The following SNX27 variants were observed in gnomAD, a reference collection of about 807,000 sequenced individuals.
The protein encoded by SNX27 is sorting nexin 27, also known as sorting nexin-27.
In SNX27, 22 loss-of-function variants were observed where a neutral mutation model predicts 71.6. The ratio of observed to expected loss-of-function variants is 0.31; its 90% confidence interval spans 0.22 to 0.44. The LOEUF is 0.44. Among genes scored for constraint, SNX27 ranks in the 20% least tolerant of loss-of-function variants. The pLI is 1.00. For missense variants in SNX27, 531 were observed against 698.6 expected (o/e 0.76, Z 2.70); for synonymous variants, 269 against 277.2 (o/e 0.97, Z 0.29).
chr1:151,693,928 A>G (rs1035003955), intron 11 of SNX27: 2 of 1,343,014 alleles, frequency 1.5e-6, no homozygotes, highest in African/African-American at 1.5e-5. Flanking sequence ...TGCTGTCTGT[A>G]TGTGCCAGTG....
intron 2 of SNX27, among the ~76,000 whole-genome samples, chr1:151,639,730 A>G (rs887431799): frequency 1.3e-5 from 2 of 152,198 alleles, no homozygotes; most frequent in Non-Finnish European, 2.9e-5. Context: ...AGGAAAGCCC[A>G]TCTTGAATTT....
At chr1:151,660,892 T>C (rs1325797629) in intron 4 of SNX27, 30 bp downstream of exon 4, 2 of 1,546,026 alleles carry the variant, frequency 1.3e-6, no homozygotes, top group Non-Finnish European at 1.8e-6. Flanking sequence ...AGTGATTATT[T>C]TCCTTTTGGC....
In SNX27 at chr1:151,697,896, CA is replaced by C. The variant is rs765603550; in HGVS notation, c.*3480del. 12 of 152,438 alleles carry C rather than the reference CA, an allele frequency of 7.9e-5. No homozygotes were observed. The highest frequency in any genetic ancestry group is 1.6e-4 in the Non-Finnish European group (11 of 68,054). 9.4% of individuals were successfully genotyped at this position (152,438 alleles called of 1,614,324 possible). Reference sequence around the variant, plus strand: ...TTCCTCCACACTTGGTTTCTATCCTCAGGGGTAGAAGCTCAGAGCTTTTTAT... The same window carrying C: ...TTCCTCCACACTTGGTTTCTATCCTCGGGGTAGAAGCTCAGAGCTTTTTAT... On this transcript the variant is annotated 3_prime_UTR_variant, in exon 12 of 12. Transcript: ENST00000458013.
Position 151,683,462 on chromosome 1 carries a change from A to T in SNX27, c.1239+17A>T, listed in dbSNP as rs780802467. 6.3e-7 allele frequency: 1 copy of T among 1,591,906 alleles called. No individual in the cohort carries two copies. The highest frequency in any genetic ancestry group is 1.1e-5 in the South Asian group (1 of 89,470). On this transcript the variant is annotated intron_variant, in intron 8 of 11. Transcript: ENST00000458013. ...ATGGTCATGGTAAGTTTATGTCCCC[A>T]TAATCCCTTTAAAAATGCCCCTTCC...
intron 1 of SNX27, among the ~76,000 whole-genome samples, chr1:151,617,210 T>TA (rs1667460782): frequency 6.6e-6 from 1 of 152,194 alleles, no homozygotes; most frequent in Non-Finnish European, 1.5e-5. Flanking sequence ...TATTAATAGT[T>TA]ATAATAATCA....
intron 5 of SNX27, 28 bp downstream of exon 5, chr1:151,662,298 C>CATT: frequency 6.9e-7 from 1 of 1,448,022 alleles, no homozygotes; most frequent in Non-Finnish European, 9.7e-7. Context: ...GTAGACTTGA[C>CATT]ATTGGATGGT....
chr1:151,616,755 T>C (rs1667442938), intron 1 of SNX27, among the ~76,000 whole-genome samples: 1 of 152,196 alleles, frequency 6.6e-6, no homozygotes. Context: ...TCATGGTTAT[T>C]GATCAAAGGA....
chr1:151,677,065 A>C (rs1034767310), intron 7 of SNX27: 1 of 152,042 alleles, frequency 6.6e-6, no homozygotes, highest in Non-Finnish European at 1.5e-5. Flanking sequence ...ATATCTGGTA[A>C]GGCTAAGCCT....
chr1:151,672,559 C>G (rs1412091539), intron 7 of SNX27, among the ~76,000 whole-genome samples: 1 of 151,954 alleles, frequency 6.6e-6, no homozygotes, highest in East Asian at 1.9e-4. Flanking sequence ...AATAGTTTGC[C>G]TAGAATTGGT....
At chr1:151,613,790 T>C (rs1404745172) in intron 1 of SNX27, 1 of 152,264 alleles carries the variant, frequency 6.6e-6, no homozygotes, top group African/African-American at 2.4e-5. Context: ...CCGGTTGACT[T>C]GCAGGTGGTG....
chr1:151,639,031 A>G lies in SNX27; in HGVS notation c.455A>G (p.Gln152Arg), dbSNP rs546091137. 6.2e-7 allele frequency: 1 copy of G among 1,614,198 alleles called. No homozygotes were observed. Among genetic ancestry groups the G allele is most frequent in the Non-Finnish European group, 8.5e-7 (1 of 1,180,040 alleles). ...GATCCCAGTGACGACTCGTTGGGAC[A>G]ATCATTTTATGATTACACAGAAAAG... ...NLDPSDDSLG[Q>R]SFYDYTEKQA... Residue 152 changes from glutamine to arginine, a missense_variant, in exon 2 of 12, where the codon CAA becomes CGA. Physicochemically the swap from Gln to Arg is conservative, Grantham distance 43 (BLOSUM62 1). Around this residue, in one of 5 missense-constraint regions of SNX27, gnomAD observed 47 missense variants for 41.4 expected, o/e 1.13. Coordinates refer to ENST00000458013, the MANE Select transcript of SNX27 (RefSeq NM_001330723.2).
intron 1 of SNX27, among the ~76,000 whole-genome samples, chr1:151,619,444 C>T (rs1667571341): frequency 6.6e-6 from 1 of 152,128 alleles, no homozygotes; most frequent in Non-Finnish European, 1.5e-5. Context: ...GGACCATAGG[C>T]GTATGCCACC....
Position 151,662,258 on chromosome 1 carries a change from C to T in SNX27, c.894C>T (p.Asp298=). ...GGGTTAAAAAGAACAGTACTACAGA[C>T]CAAGTATATCAGGTAAATTAAATGA... ...TVRVKKNSTT[D]QVYQAIAAKV... Residue 298 remains aspartate, a synonymous_variant, in exon 5 of 12, where the codon GAC becomes GAT. Transcript: ENST00000458013. The T allele has an allele frequency of 6.2e-7, 1 of 1,605,732 alleles. No individual in the cohort carries two copies. Among genetic ancestry groups the T allele is most frequent in the Non-Finnish European group, 8.5e-7 (1 of 1,172,810 alleles).
chr1:151,616,787 C>G (rs530731907), intron 1 of SNX27, among the ~76,000 whole-genome samples: 2 of 152,208 alleles, frequency 1.3e-5, no homozygotes, highest in Non-Finnish European at 2.9e-5. Context: ...CAGCGGTTCT[C>G]AGGCTTTAGG....
Position 151,662,225 on chromosome 1 carries a change from T to A in SNX27, c.861T>A (p.Val287=). ...TAGCATTACCAGATGGAACAACGGTTACAGTCAGGGTTAAAAAGAACAGTA... is the reference window on the plus strand; with the variant it reads ...TAGCATTACCAGATGGAACAACGGTAACAGTCAGGGTTAAAAAGAACAGTA... ...LRVALPDGTT[V]TVRVKKNSTT... is the part of the protein sequence containing the mutation. Residue 287 remains valine, a synonymous_variant, in exon 5 of 12, where the codon GTT becomes GTA. Coordinates refer to ENST00000458013, the MANE Select transcript of SNX27 (RefSeq NM_001330723.2). 6.2e-7 allele frequency: 1 copy of A among 1,613,700 alleles called. No homozygotes were observed. Among genetic ancestry groups the A allele is most frequent in the Non-Finnish European group, 8.5e-7 (1 of 1,179,706 alleles).
At position 151,638,912 on chromosome 1, in the gene SNX27, G is replaced by A. The variant is rs567918235; in HGVS notation, c.336G>A (p.Ala112=). 1.1e-5 allele frequency: 18 copies of A among 1,613,988 alleles called. No individual in the cohort carries two copies. The highest frequency in any genetic ancestry group is 1.0e-4 in the Admixed American group (6 of 59,992). Residue 112 remains alanine, a synonymous_variant, in exon 2 of 12, where the codon GCG becomes GCA. Coordinates refer to ENST00000458013, the MANE Select transcript of SNX27 (RefSeq NM_001330723.2). ...GGAACCACGTGAATGTTGAGGGGGCGACACACAAGCAGGTGGTGGACCTGA... is the reference window on the plus strand; with the variant it reads ...GGAACCACGTGAATGTTGAGGGGGCAACACACAAGCAGGTGGTGGACCTGA... ...LEVNHVNVEG[A]THKQVVDLIR...
At chr1:151,658,044 A>G (rs576763912) in intron 2 of SNX27, among the ~76,000 whole-genome samples, 191 bp from the exon 3 acceptor site, 2 of 152,264 alleles carry the variant, frequency 1.3e-5, no homozygotes, top group East Asian at 3.9e-4. Flanking sequence ...CTCCTTTGGT[A>G]GTCCTTTTTT....
chr1:151,651,117 C>T (rs1431421626), intron 2 of SNX27, among the ~76,000 whole-genome samples: 2 of 151,934 alleles, frequency 1.3e-5, no homozygotes, highest in Non-Finnish European at 2.9e-5. Flanking sequence ...AGCTGTTGGG[C>T]ACACCTCCCA....
Position 151,695,056 on chromosome 1 carries a change from T to G in SNX27, c.*639T>G, listed in dbSNP as rs1671638691. On this transcript the variant is annotated 3_prime_UTR_variant, in exon 12 of 12. Transcript: ENST00000458013. Reference sequence around the variant, plus strand: ...GCTTGGATTTTTGCCCCTTTTTTTGTATTGAGTATAGATTCCGGCTCATGG... The same window carrying G: ...GCTTGGATTTTTGCCCCTTTTTTTGGATTGAGTATAGATTCCGGCTCATGG... 1 of 152,626 alleles carries G rather than the reference T, an allele frequency of 6.6e-6. No homozygotes were observed. Among genetic ancestry groups the G allele is most frequent in the African/African-American group, 2.4e-5 (1 of 41,432 alleles). 9.5% of individuals were successfully genotyped at this position (152,626 alleles called of 1,614,324 possible). A position where few individuals can be genotyped will look rare whatever the true frequency, so the allele number is the denominator to read the frequency against.
Sources: allele counts gnomAD v4.1 joint callset (sites outside exome capture counted in the v4.1 genomes callset), GRCh38; gene constraint gnomAD v4.1.1; regional missense constraint gnomAD v4.1.1; transcripts MANE v1.5; gene names NCBI Gene and HGNC (gene_info 2026-07-23, HGNC 2026-07-21).